The following GALNT17 variants were observed in gnomAD, a reference collection of about 807,000 sequenced individuals.
GALNT17 encodes the protein polypeptide N-acetylgalactosaminyltransferase 17, also known as UDP-GalNAc:polypeptide N-acetylgalactosaminyltransferase-like 3.
GALNT17 carries 29 observed loss-of-function variants against 63.7 expected under a neutral mutation model. That is an observed-to-expected ratio of 0.46 (90% CI 0.34 to 0.62). The LOEUF (loss-of-function observed/expected upper bound fraction) is 0.62, where lower values mean the gene tolerates loss of function less well. GALNT17 is among the 20% of genes least tolerant of loss of function. GALNT17 has a pLI of 0.01. For synonymous variants in GALNT17, 305 were observed against 318.3 expected (o/e 0.96, Z 0.45); for missense variants, 603 against 799.6 (o/e 0.75, Z 2.97).
At chr7:71,659,656 TA>T (rs1457957104) in intron 6 of GALNT17, among the ~76,000 whole-genome samples, 4 of 152,358 alleles carry the variant, frequency 2.6e-5, no homozygotes, top group African/African-American at 9.6e-5. Context: ...GTGCAAGTCA[TA>T]AAATCAGCCC....
chr7:71,358,774 T>C (rs764588334), intron 2 of GALNT17, among the ~76,000 whole-genome samples: 8 of 152,160 alleles, frequency 5.3e-5, no homozygotes, highest in South Asian at 4.2e-4. Context: ...CTTTTCTTTT[T>C]CTTTTTCTTT....
chr7:71,227,361 C>A (rs529395159), intron 1 of GALNT17, among the ~76,000 whole-genome samples: 5 of 149,368 alleles, frequency 3.3e-5, no homozygotes, highest in Non-Finnish European at 7.4e-5. Flanking sequence ...AAGACCCTGT[C>A]TCTAAAAAAT....
chr7:71,459,711 T>A (rs1787418707), intron 5 of GALNT17, among the ~76,000 whole-genome samples: 1 of 152,218 alleles, frequency 6.6e-6, no homozygotes, highest in African/African-American at 2.4e-5. Context: ...AAATTGCATC[T>A]GTAAAGAATC....
intron 5 of GALNT17, among the ~76,000 whole-genome samples, chr7:71,570,606 A>T (rs763192975): frequency 6.6e-6 from 1 of 152,094 alleles, no homozygotes; most frequent in Non-Finnish European, 1.5e-5. Context: ...ATGTGTGCAG[A>T]CGCCATGGGA....
chr7:71,133,147 C>G (rs1038608728), intron 1 of GALNT17, 107 bp downstream of exon 1: 20 of 952,258 alleles, frequency 2.1e-5, no homozygotes, highest in Admixed American at 3.5e-5. Flanking sequence ...GCCGGCACAC[C>G]CTGGCTCCCG....
At chr7:71,626,502 G>A (rs1230327193) in intron 6 of GALNT17, among the ~76,000 whole-genome samples, 2 of 152,142 alleles carry the variant, frequency 1.3e-5, no homozygotes, top group African/African-American at 4.8e-5. Context: ...CCTGAGTCCA[G>A]GCATCTTTTC....
At chr7:71,364,162 A>G (rs769104514) in intron 2 of GALNT17, among the ~76,000 whole-genome samples, 13 of 151,960 alleles carry the variant, frequency 8.6e-5, no homozygotes, top group Admixed American at 1.3e-4. Flanking sequence ...CTCCCCTCCC[A>G]CTTTTACCAC....
intron 1 of GALNT17, among the ~76,000 whole-genome samples, chr7:71,278,567 A>C (rs1037578939): frequency 5.9e-5 from 9 of 152,230 alleles, no homozygotes; most frequent in African/African-American, 2.2e-4. Context: ...AGACTGGGCA[A>C]CTTATGAAGG....
intron 3 of GALNT17, among the ~76,000 whole-genome samples, chr7:71,404,193 G>A (rs1793288169): frequency 6.6e-6 from 1 of 152,214 alleles, no homozygotes; most frequent in Non-Finnish European, 1.5e-5. Context: ...GGAAGAAGCA[G>A]TAGAGATGAA....
At chr7:71,684,164 G>C (rs1406213282) in intron 9 of GALNT17, among the ~76,000 whole-genome samples, 1 of 152,034 alleles carries the variant, frequency 6.6e-6, no homozygotes, top group Non-Finnish European at 1.5e-5. Flanking sequence ...GCCCAGGGTG[G>C]GTCCCCAAGC....
At chr7:71,218,667 C>G (rs1008392022) in intron 1 of GALNT17, among the ~76,000 whole-genome samples, 2 of 152,004 alleles carry the variant, frequency 1.3e-5, no homozygotes, top group African/African-American at 4.8e-5. Context: ...CAGCTGCTCC[C>G]CATTGCTTGC....
chr7:71,481,105 T>G (rs1787809650), intron 5 of GALNT17, among the ~76,000 whole-genome samples: 1 of 152,090 alleles, frequency 6.6e-6, no homozygotes, highest in South Asian at 2.1e-4. Flanking sequence ...TGGAATCCCT[T>G]ACAAAAGGCC....
intron 3 of GALNT17, among the ~76,000 whole-genome samples, chr7:71,398,575 A>G (rs914998650): frequency 6.6e-6 from 1 of 151,918 alleles, no homozygotes; most frequent in African/African-American, 2.4e-5. Context: ...TTTCTCATTG[A>G]TGTTTAGTTT....
At chr7:71,499,395 C>G (rs543937573) in intron 5 of GALNT17, among the ~76,000 whole-genome samples, 1 of 152,100 alleles carries the variant, frequency 6.6e-6, no homozygotes, top group Non-Finnish European at 1.5e-5. Flanking sequence ...ACCTCCATGT[C>G]TACAAAAAGT....
In GALNT17 at chr7:71,358,705, T is replaced by G. The variant is rs77922157; in HGVS notation, c.422+22972T>G. 2.9e-3 allele frequency among the ~76,000 whole-genome samples: 444 copies of G among 152,360 alleles called. 1 individual carries two copies. Among genetic ancestry groups the G allele is most frequent in the Admixed American group, 5.4e-3 (83 of 15,304 alleles). ...ATGTTGTAAAACGTGTTCAGAGATA[T>G]GTGGAACCCAGAATTTTCACTGATT... is the stretch of plus-strand genomic sequence containing the variant. On this transcript the variant is annotated intron_variant, in intron 2 of 10. Coordinates refer to ENST00000333538, the MANE Select transcript of GALNT17 (RefSeq NM_022479.3).
chr7:71,596,073 T>C (rs1290040005), intron 6 of GALNT17, among the ~76,000 whole-genome samples: 3 of 152,114 alleles, frequency 2.0e-5, no homozygotes, highest in Non-Finnish European at 4.4e-5. Flanking sequence ...GAGTCACACA[T>C]TGTCACCCAA....
chr7:71,668,676 A>G (rs73354114), intron 7 of GALNT17, among the ~76,000 whole-genome samples: 1 of 152,226 alleles, frequency 6.6e-6, no homozygotes, highest in African/African-American at 2.4e-5. Context: ...AGTGATCTTA[A>G]TGACATAATT....
intron 1 of GALNT17, among the ~76,000 whole-genome samples, chr7:71,309,612 T>C (rs931370949): frequency 3.3e-5 from 5 of 152,156 alleles, no homozygotes; most frequent in Admixed American, 2.6e-4. Flanking sequence ...TCAAGAATTA[T>C]TTGAGATAGT....
At chr7:71,373,977 A>C (rs1005140466) in intron 2 of GALNT17, among the ~76,000 whole-genome samples, 5 of 152,172 alleles carry the variant, frequency 3.3e-5, no homozygotes, top group Non-Finnish European at 2.9e-5. Context: ...ATTGTTACCT[A>C]TTCTTTCAGG....
Sources: gnomAD v4.1 joint callset for allele counts (sites outside exome capture counted in the v4.1 genomes callset) on GRCh38, gnomAD v4.1.1 for gene constraint, MANE v1.5 for transcripts, NCBI Gene and HGNC (gene_info 2026-07-23, HGNC 2026-07-21) for gene names.